MYO1E: variants seen among roughly 807,000 people sequenced by gnomAD.
MYO1E encodes unconventional myosin-Ie.
In MYO1E, 68 loss-of-function variants were observed where a neutral mutation model predicts 151.1. The observed-to-expected ratio is 0.45, with a 90% CI of 0.37 to 0.55. The LOEUF (loss-of-function observed/expected upper bound fraction) is 0.55, where lower values mean the gene tolerates loss of function less well. MYO1E is among the 20% of genes least tolerant of loss of function. The pLI, the probability that MYO1E is intolerant of heterozygous loss-of-function variation, is 0.00. For synonymous variants in MYO1E, 601 were observed against 501.7 expected, an observed-to-expected ratio of 1.20 and a Z score of -2.64; for missense variants, 1,363 against 1,389.3, an observed-to-expected ratio of 0.98 and a Z score of 0.30.
intron 19 of MYO1E, among the ~76,000 whole-genome samples, chr15:59,176,317 C>A (rs1252243712): frequency 6.6e-6 from 1 of 152,142 alleles, no homozygotes; most frequent in Non-Finnish European, 1.5e-5. Context: ...GCCTCAGCCC[C>A]CCAAAGTGCT....
At chr15:59,203,503 C>G (rs1200808769) in intron 15 of MYO1E, among the ~76,000 whole-genome samples, 2 of 152,110 alleles carry the variant, frequency 1.3e-5, no homozygotes, top group African/African-American at 4.8e-5. Flanking sequence ...CCTCAGCCTC[C>G]TGAGTAGCTG....
chr15:59,141,713 G>A (rs1402707086), intron 26 of MYO1E, among the ~76,000 whole-genome samples: 1 of 149,648 alleles, frequency 6.7e-6, no homozygotes, highest in African/African-American at 2.5e-5. Flanking sequence ...CAGGAGAATC[G>A]CTTGAACCCG....
intron 2 of MYO1E, among the ~76,000 whole-genome samples, chr15:59,264,274 AT>A (rs1212289648): frequency 6.6e-6 from 1 of 152,182 alleles, no homozygotes; most frequent in African/African-American, 2.4e-5. Context: ...GCACGGAGAA[AT>A]TTTTAAAAGT....
chr15:59,302,762 T>C (rs190622635), intron 1 of MYO1E, among the ~76,000 whole-genome samples: 19 of 133,274 alleles, frequency 1.4e-4, no homozygotes. Flanking sequence ...AAGTAATACA[T>C]TATAAACTCT....
intron 18 of MYO1E, among the ~76,000 whole-genome samples, chr15:59,185,434 A>G (rs1244224772): frequency 6.6e-6 from 1 of 152,150 alleles, no homozygotes; most frequent in South Asian, 2.1e-4. Flanking sequence ...CACCTGGCTA[A>G]TTTTTGTATT....
intron 16 of MYO1E, among the ~76,000 whole-genome samples, chr15:59,200,108 C>T (rs1341550808): frequency 6.6e-6 from 1 of 152,092 alleles, no homozygotes; most frequent in Admixed American, 6.5e-5. Context: ...TTCAACCAGA[C>T]AAGCATACGA....
intron 25 of MYO1E, among the ~76,000 whole-genome samples, chr15:59,154,892 G>A (rs1383444641): frequency 6.6e-6 from 1 of 152,128 alleles, no homozygotes; most frequent in Admixed American, 6.5e-5. Flanking sequence ...TATCAGGGTG[G>A]AGCTTTCAAG....
intron 6 of MYO1E, among the ~76,000 whole-genome samples, chr15:59,229,505 G>A (rs943150149): frequency 2.0e-5 from 3 of 152,198 alleles, no homozygotes; most frequent in South Asian, 2.1e-4. Context: ...TGGGGGGGAT[G>A]ACAGGAAATT....
chr15:59,299,564 T>C (rs566590963), intron 1 of MYO1E, among the ~76,000 whole-genome samples: 2 of 152,352 alleles, frequency 1.3e-5, no homozygotes, highest in South Asian at 4.1e-4. Context: ...AGTTCCACTG[T>C]GAAGAAATGG....
intron 1 of MYO1E, among the ~76,000 whole-genome samples, chr15:59,274,502 C>T (rs540820043): frequency 6.6e-6 from 1 of 152,282 alleles, no homozygotes; most frequent in African/African-American, 2.4e-5. Flanking sequence ...AAACTAGGGT[C>T]CCAGAGTAAC....
At chr15:59,243,545 A>AG (rs1440435465) in intron 4 of MYO1E, among the ~76,000 whole-genome samples, 1 of 152,122 alleles carries the variant, frequency 6.6e-6, no homozygotes, top group African/African-American at 2.4e-5. Context: ...GAGGTGAGAG[A>AG]GTCTGTGTCA....
chr15:59,197,201 C>T (rs1360956678), intron 16 of MYO1E, among the ~76,000 whole-genome samples: 3 of 152,054 alleles, frequency 2.0e-5, no homozygotes, highest in African/African-American at 7.2e-5. Context: ...CCATGTTGGT[C>T]AGGCTGGTCT....
At chr15:59,202,038 C>A (rs544968554) in intron 16 of MYO1E, among the ~76,000 whole-genome samples, 1 of 152,218 alleles carries the variant, frequency 6.6e-6, no homozygotes, top group Admixed American at 6.5e-5. Flanking sequence ...AACATAAATT[C>A]TTCCAGGTTC....
chr15:59,208,545 C>A, intron 14 of MYO1E, 136 bp downstream of exon 14: 1 of 1,113,312 alleles, frequency 9.0e-7, no homozygotes. Context: ...TTTTGTTTTG[C>A]TTCCTTTGAT....
intron 18 of MYO1E, among the ~76,000 whole-genome samples, chr15:59,184,418 T>G (rs568074673): frequency 7.2e-5 from 11 of 152,236 alleles, no homozygotes; most frequent in African/African-American, 2.6e-4. Context: ...TGTAGTACAG[T>G]GGCAAAATCT....
chr15:59,309,542 A>C (rs2080536917), intron 1 of MYO1E, among the ~76,000 whole-genome samples: 1 of 152,174 alleles, frequency 6.6e-6, no homozygotes, highest in African/African-American at 2.4e-5. Context: ...AGAATTTTTG[A>C]GTCTCCCTGG....
chr15:59,366,039 C>T (rs2080910943), intron 1 of MYO1E, among the ~76,000 whole-genome samples: 2 of 152,110 alleles, frequency 1.3e-5, no homozygotes, highest in South Asian at 4.1e-4. Flanking sequence ...AGTGCAATGG[C>T]GTGATCTAGG....
chr15:59,356,250 C>T (rs1258730332), intron 1 of MYO1E, among the ~76,000 whole-genome samples: 1 of 152,154 alleles, frequency 6.6e-6, no homozygotes, highest in Admixed American at 6.5e-5. Flanking sequence ...TTTTAAGTGT[C>T]TTTTTATCAC....
intron 15 of MYO1E, among the ~76,000 whole-genome samples, chr15:59,202,749 GTTTTGT>G (rs1315933443): frequency 6.6e-6 from 1 of 152,106 alleles, no homozygotes; most frequent in East Asian, 1.9e-4. Flanking sequence ...TTAGGTTTTT[GTTTTGT>G]TTTTGAGACA....
Sources: allele counts gnomAD v4.1 joint callset (sites outside exome capture counted in the v4.1 genomes callset), GRCh38; gene constraint gnomAD v4.1.1; transcripts MANE v1.5; gene names NCBI Gene and HGNC (gene_info 2026-07-23, HGNC 2026-07-21).